CLIC1: variants seen among roughly 807,000 people sequenced by gnomAD.
The protein encoded by CLIC1 is CLIC family member 1, also known as chloride intracellular channel protein 1.
In CLIC1, 16 loss-of-function variants were observed where a neutral mutation model predicts 26.4. The ratio of observed to expected loss-of-function variants is 0.61; its 90% CI spans 0.41 to 0.92. The LOEUF is 0.92. CLIC1 is among the 40% of genes least tolerant of loss of function. The pLI, the probability that CLIC1 is intolerant of heterozygous loss-of-function variation, is 0.00. For missense variants in CLIC1, 225 were observed against 289.7 expected (o/e 0.78, Z 1.62); for synonymous variants, 98 against 120.8 (o/e 0.81, Z 1.24).
chr6:31,733,099 G>A lies in CLIC1; in HGVS notation c.382+467C>T, dbSNP rs540080141. ...TGCACCACTGCACTCCAGCCTGGGC[G>A]ACAGAACGAGACTCCATCTCAAAAA... is the stretch of plus-strand genomic sequence containing the variant. On this transcript the variant is annotated intron_variant, in intron 4 of 5. Transcript: ENST00000375784. The surrounding 1 kb of genome is among the most constrained non-coding windows in gnomAD (Gnocchi z 5.4). 2.7e-5 allele frequency among the ~76,000 whole-genome samples: 4 copies of A among 150,754 alleles called. No homozygotes were observed. Among genetic ancestry groups the A allele is most frequent in the Non-Finnish European group, 4.4e-5 (3 of 67,814 alleles).
At position 31,736,145 on chromosome 6, in the gene CLIC1, G is replaced by A. The variant is rs115835046; in HGVS notation, c.39+117C>T. Reference sequence around the variant, plus strand: ...ACCACCCCTCAACCAAAGAGTGCACGTGGGATTGGGGGTGGGAGTCAAGGA... The same window carrying A: ...ACCACCCCTCAACCAAAGAGTGCACATGGGATTGGGGGTGGGAGTCAAGGA... On this transcript the variant is annotated intron_variant, in intron 1 of 5. Transcript: ENST00000375784. This position sits in a 1 kb window ranked among gnomAD's most constrained non-coding sequence, Gnocchi z 5.0. 7.8e-6 allele frequency: 8 copies of A among 1,025,572 alleles called. No individual in the cohort carries two copies. The highest frequency in any genetic ancestry group is 1.2e-5 in the Non-Finnish European group (8 of 654,042). 63.5% of individuals were successfully genotyped at this position (1,025,572 alleles called of 1,614,324 possible). A position where few individuals can be genotyped will look rare whatever the true frequency, so the allele number is the denominator to read the frequency against.
In CLIC1 at chr6:31,734,178, T is replaced by C. The variant is rs1808183397; in HGVS notation, c.125A>G (p.Asn42Ser). Residue 42 changes from asparagine to serine, a missense_variant, in exon 2 of 6, where the codon AAT (asparagine) becomes AGT (serine). Transcript: ENST00000375784. This position sits in a 1 kb window ranked among gnomAD's most constrained non-coding sequence, Gnocchi z 5.3. ...CCTTTTGGTGTCAACGGTGGTAACA[T>C]TGAAGGTGACTCCCTTGAGCCACAG... 3 of 1,613,888 alleles carry C rather than the reference T, an allele frequency of 1.9e-6. No homozygotes were observed. Among genetic ancestry groups the C allele is most frequent in the African/African-American group, 1.3e-5 (1 of 74,914 alleles).
chr6:31,736,980 G>GA (rs1219263807), upstream of CLIC1: 1 of 984,420 alleles, frequency 1.0e-6, no homozygotes, highest in Admixed American at 6.1e-5. The surrounding 1 kb of genome is among the most constrained non-coding windows in gnomAD (Gnocchi z 5.0). Context: ...TGCAGCCTGG[G>GA]ATTAGGGAAG....
At chr6:31,736,957 G>A (rs781352061), upstream of CLIC1, 10 of 985,696 alleles carry the variant, frequency 1.0e-5, no homozygotes, top group Non-Finnish European at 1.2e-5. This position sits in a 1 kb window ranked among gnomAD's most constrained non-coding sequence, Gnocchi z 5.0. Context: ...CTGCAGATAG[G>A]AACCGTTAGC....
At position 31,736,309 on chromosome 6, in the gene CLIC1, C is replaced by G. The variant is rs763995096; in HGVS notation, c.-9G>C. ...GGTTGTTCTTCAGCCATGGTTGCGT[C>G]GGGGACCAGGAAGTGGCCGTCCCTG... On this transcript the variant is annotated 5_prime_UTR_variant, in exon 1 of 6. Transcript: ENST00000375784. The surrounding 1 kb of genome is among the most constrained non-coding windows in gnomAD (Gnocchi z 5.0). 147 of 1,612,702 alleles carry G rather than the reference C, an allele frequency of 9.1e-5. No individual in the cohort carries two copies. In the Middle Eastern group the frequency reaches 2.0e-3, roughly 22 times the overall value.
At chr6:31,735,813 A>ACACT (rs1808291873) in intron 1 of CLIC1, among the ~76,000 whole-genome samples, 1 of 145,844 alleles carries the variant, frequency 6.9e-6, no homozygotes, top group African/African-American at 2.6e-5. Context: ...CCATCCACAC[A>ACACT]CACACACACA....
Position 31,734,126 on chromosome 6 carries a change from G to T in CLIC1, c.149+28C>A, listed in dbSNP as rs1808179252. 1.9e-6 allele frequency: 3 copies of T among 1,594,340 alleles called. No homozygotes were observed. The highest frequency in any genetic ancestry group is 2.6e-6 in the Non-Finnish European group (3 of 1,162,180). On this transcript the variant is annotated intron_variant, in intron 2 of 5. Coordinates refer to ENST00000375784, the Ensembl canonical transcript of CLIC1. The surrounding 1 kb of genome is among the most constrained non-coding windows in gnomAD (Gnocchi z 5.3). ...GTTTGCACACATGTGTACACCAGGG[G>T]TGTTTCAAGGAACATAAGCAGGCCT...
Position 31,736,199 on chromosome 6 carries a change from C to A in CLIC1, c.39+63G>T. The A allele has an allele frequency of 6.4e-7, 1 of 1,563,922 alleles. No homozygotes were observed. The highest frequency in any genetic ancestry group is 8.8e-7 in the Non-Finnish European group (1 of 1,135,920). The stretch of plus-strand genomic sequence containing the variant: ...AAGGGATTGGGGAGTTAAGGCTGGA[C>A]CGGGGGAAAGGTGAGAGTTGGCTTC... On this transcript the variant is annotated intron_variant, in intron 1 of 5. Coordinates refer to ENST00000375784, the Ensembl canonical transcript of CLIC1. The surrounding 1 kb of genome is among the most constrained non-coding windows in gnomAD (Gnocchi z 5.0).
Position 31,730,967 on chromosome 6 carries a change from CG to C in CLIC1, c.600del (p.Glu201ArgfsTer10), listed in dbSNP as rs1807884582. The C allele has an allele frequency of 6.2e-7, 1 of 1,612,984 alleles. No homozygotes were observed. Among genetic ancestry groups the C allele is most frequent in the South Asian group, 1.1e-5 (1 of 91,062 alleles). On this transcript the variant is annotated frameshift_variant, in exon 6 of 6. Coordinates refer to ENST00000375784, the Ensembl canonical transcript of CLIC1. LOFTEE classifies it high-confidence loss of function. This position sits in a 1 kb window ranked among gnomAD's most constrained non-coding sequence, Gnocchi z 5.1. Reference sequence around the variant, plus strand: ...TACCGATGCACTCCCCGGAAGGCCTCGGGGATGGTGAATCCCCGGTACTTCT... The same window carrying C: ...TACCGATGCACTCCCCGGAAGGCCTCGGGATGGTGAATCCCCGGTACTTCT...
rs1807974338 is a variant in CLIC1 at position 31,731,800 on chromosome 6, A to G, written c.564+417T>C. ...CAAACTAAACCATAGCTTTGAGACT[A>G]TGACAAAAACATGGGAACCAGCAGT... On this transcript the variant is annotated intron_variant, in intron 5 of 5. Coordinates refer to ENST00000375784, the Ensembl canonical transcript of CLIC1. Among the ~76,000 whole-genome samples the G allele has an allele frequency of 1.3e-5, 2 of 152,246 alleles. 1 individual carries two copies. The highest frequency in any genetic ancestry group is 3.8e-4 in the East Asian group (2 of 5,206).
Position 31,733,116 on chromosome 6 carries a change from T to A in CLIC1, c.382+450A>T, listed in dbSNP as rs1477328935. ...GCCTGGGCGACAGAACGAGACTCCA[T>A]CTCAAAAAAAAAGAAAAAAAAAAAT... On this transcript the variant is annotated intron_variant, in intron 4 of 5. Coordinates refer to ENST00000375784, the Ensembl canonical transcript of CLIC1. This position sits in a 1 kb window ranked among gnomAD's most constrained non-coding sequence, Gnocchi z 5.4. Among the ~76,000 whole-genome samples the A allele has an allele frequency of 9.6e-5, 14 of 146,062 alleles. No individual in the cohort carries two copies. In the Admixed American group the frequency reaches 9.7e-4, roughly 10 times the overall value.
chr6:31,736,515 C>T lies in CLIC1; in HGVS notation c.-215G>A. 2 of 1,387,000 alleles carry T rather than the reference C, an allele frequency of 1.4e-6. No homozygotes were observed. The highest frequency in any genetic ancestry group is 2.9e-5 in the African/African-American group (2 of 68,518). 85.9% of individuals were successfully genotyped at this position (1,387,000 alleles called of 1,614,324 possible). ...CCAGCTCCTCCAGCTCGGTCCTCTC[C>T]CGGGCTGGATCAGAGAGCCGCTGAC... is the stretch of plus-strand genomic sequence containing the variant. On this transcript the variant is annotated 5_prime_UTR_variant, in exon 1 of 6. Transcript: ENST00000375784. The surrounding 1 kb of genome is among the most constrained non-coding windows in gnomAD (Gnocchi z 5.0).
chr6:31,732,377 T>C lies in CLIC1; in HGVS notation c.404A>G (p.Lys135Arg). The C allele has an allele frequency of 6.5e-7, 1 of 1,550,092 alleles. No homozygotes were observed. The highest frequency in any genetic ancestry group is 8.7e-7 in the Non-Finnish European group (1 of 1,148,966). ...GTAATTGTCTAAAACCTTCAGGGCT[T>C]TCAGGAGTCCCTTCTCCAGATCTGT... is the stretch of plus-strand genomic sequence containing the variant. Residue 135 changes from lysine (K) to arginine (R), a missense_variant, in exon 5 of 6, where the codon AAA becomes AGA. Physicochemically the swap from Lys to Arg is conservative, Grantham distance 26. Transcript: ENST00000375784. The surrounding 1 kb of genome is among the most constrained non-coding windows in gnomAD (Gnocchi z 5.0).
Position 31,733,764 on chromosome 6 carries a change from T to C in CLIC1, c.275+72A>G. Reference sequence around the variant, plus strand: ...CCCAGCCCCACCACCATCTCTGTTTTCCATTTCTGCAAACTGTCTGTTTCC... The same window carrying C: ...CCCAGCCCCACCACCATCTCTGTTTCCCATTTCTGCAAACTGTCTGTTTCC... On this transcript the variant is annotated intron_variant, in intron 3 of 5. Coordinates refer to ENST00000375784, the Ensembl canonical transcript of CLIC1. The surrounding 1 kb of genome is among the most constrained non-coding windows in gnomAD (Gnocchi z 5.4). 6.2e-7 allele frequency: 1 copy of C among 1,606,528 alleles called. No individual in the cohort carries two copies. The highest frequency in any genetic ancestry group is 1.1e-5 in the South Asian group (1 of 90,978).
Position 31,734,443 on chromosome 6 carries a change from A to G in CLIC1, c.40-180T>C, listed in dbSNP as rs1808202776. ...CAAACCTAAGGCAGATCAATGGGAA[A>G]CTGTTTTGCAAAGGCAGGCTTCTGG... is the stretch of plus-strand genomic sequence containing the variant. On this transcript the variant is annotated intron_variant, in intron 1 of 5. Transcript: ENST00000375784. The surrounding 1 kb of genome is among the most constrained non-coding windows in gnomAD (Gnocchi z 5.3). 6.6e-6 allele frequency among the ~76,000 whole-genome samples: 1 copy of G among 152,240 alleles called. No individual in the cohort carries two copies. Among genetic ancestry groups the G allele is most frequent in the South Asian group, 2.1e-4 (1 of 4,834 alleles).
At position 31,732,190 on chromosome 6, in the gene CLIC1, T is replaced by A. The variant is rs760437456; in HGVS notation, c.564+27A>T. 9.9e-6 allele frequency: 14 copies of A among 1,419,584 alleles called. No individual in the cohort carries two copies. The highest frequency in any genetic ancestry group is 1.3e-5 in the Non-Finnish European group (14 of 1,076,390). 87.9% of individuals were successfully genotyped at this position (1,419,584 alleles called of 1,614,324 possible). On this transcript the variant is annotated intron_variant, in intron 5 of 5. Coordinates refer to ENST00000375784, the Ensembl canonical transcript of CLIC1. The surrounding 1 kb of genome is among the most constrained non-coding windows in gnomAD (Gnocchi z 5.0). ...CCTTAAAGGGCCACTCCAGTGGTCA[T>A]CCTCTCCTCCCGCAATAACCACACA...
In CLIC1 at chr6:31,732,374, G is replaced by A; in HGVS notation, c.407C>T (p.Ala136Val). 6.4e-7 allele frequency: 1 copy of A among 1,552,728 alleles called. No homozygotes were observed. Residue 136 changes from alanine to valine, a missense_variant, in exon 5 of 6, where the codon GCC becomes GTC. Coordinates refer to ENST00000375784, the Ensembl canonical transcript of CLIC1. The surrounding 1 kb of genome is among the most constrained non-coding windows in gnomAD (Gnocchi z 5.0). ...TAAGTAATTGTCTAAAACCTTCAGGGCTTTCAGGAGTCCCTTCTCCAGATC... is the reference window on the plus strand; with the variant it reads ...TAAGTAATTGTCTAAAACCTTCAGGACTTTCAGGAGTCCCTTCTCCAGATC...
Position 31,736,153 on chromosome 6 carries a change from G to T in CLIC1, c.39+109C>A. On this transcript the variant is annotated intron_variant, in intron 1 of 5. Coordinates refer to ENST00000375784, the Ensembl canonical transcript of CLIC1. This position sits in a 1 kb window ranked among gnomAD's most constrained non-coding sequence, Gnocchi z 5.0. Reference sequence around the variant, plus strand: ...TCAACCAAAGAGTGCACGTGGGATTGGGGGTGGGAGTCAAGGAGGGAAGGG... The same window carrying T: ...TCAACCAAAGAGTGCACGTGGGATTTGGGGTGGGAGTCAAGGAGGGAAGGG... The T allele has an allele frequency of 1.8e-6, 2 of 1,112,704 alleles. No homozygotes were observed. The highest frequency in any genetic ancestry group is 1.3e-5 in the South Asian group (1 of 78,754). 68.9% of individuals were successfully genotyped at this position (1,112,704 alleles called of 1,614,324 possible). A position where few individuals can be genotyped will look rare whatever the true frequency, so the allele number is the denominator to read the frequency against.
At chr6:31,735,043 G>A (rs1808234354) in intron 1 of CLIC1, among the ~76,000 whole-genome samples, 2 of 151,810 alleles carry the variant, frequency 1.3e-5, no homozygotes, top group East Asian at 3.9e-4. Flanking sequence ...AATAGCCCCG[G>A]AGGCGAATGT....
Sources: gnomAD v4.1 joint callset for allele counts (sites outside exome capture counted in the v4.1 genomes callset) on GRCh38, gnomAD v4.1.1 for gene constraint, Gnocchi (gnomAD v3.1) non-coding constraint, MANE v1.5 for transcripts, NCBI Gene and HGNC (gene_info 2026-07-23, HGNC 2026-07-21) for gene names.